LAMA2: variants seen among roughly 807,000 people sequenced by gnomAD.
The protein encoded by LAMA2 is laminin subunit alpha 2.
A neutral mutation model predicts 364.8 loss-of-function variants in LAMA2; 269 were observed. The observed-to-expected ratio is 0.74, with a 90% CI of 0.67 to 0.82. The LOEUF is 0.82. Among genes scored for constraint, LAMA2 ranks in the 40% least tolerant of loss-of-function variants. LAMA2 has a pLI of 0.00. For synonymous variants in LAMA2, 1,379 were observed against 1,370.6 expected, an observed-to-expected ratio of 1.01 and a Z score of -0.14; for missense variants, 3,807 against 3,873.2, an observed-to-expected ratio of 0.98 and a Z score of 0.45.
chr6:129,140,416 C>T (rs1032114254), intron 4 of LAMA2, among the ~76,000 whole-genome samples: 2 of 151,890 alleles, frequency 1.3e-5, no homozygotes, highest in African/African-American at 4.8e-5. Flanking sequence ...TCTAAAAAAC[C>T]AGTTGATAAC....
intron 9 of LAMA2, among the ~76,000 whole-genome samples, chr6:129,168,847 G>A (rs1204182104): frequency 1.8e-4 from 26 of 143,632 alleles, no homozygotes; most frequent in Non-Finnish European, 3.5e-4. Context: ...TCCTTGAGCA[G>A]TGGTTTGTAG....
At chr6:129,383,324 A>G in intron 35 of LAMA2, 91 bp downstream of exon 35, 1 of 994,614 alleles carries the variant, frequency 1.0e-6, no homozygotes, top group Non-Finnish European at 1.6e-6. Flanking sequence ...TCTTGTTATA[A>G]GTGACATCTG....
intron 40 of LAMA2, among the ~76,000 whole-genome samples, chr6:129,418,098 C>T (rs796859129): frequency 2.6e-5 from 4 of 152,270 alleles, no homozygotes; most frequent in African/African-American, 9.6e-5. Flanking sequence ...GCTGACACTG[C>T]CATTACTGAG....
chr6:129,005,200 C>G (rs1243707233), intron 1 of LAMA2, among the ~76,000 whole-genome samples: 1 of 151,880 alleles, frequency 6.6e-6, no homozygotes, highest in Non-Finnish European at 1.5e-5. Flanking sequence ...TTATGTAAGC[C>G]CATGAGGTTA....
At chr6:128,944,346 ATGATAGGCC>A (rs1255351776) in intron 1 of LAMA2, among the ~76,000 whole-genome samples, 1 of 152,232 alleles carries the variant, frequency 6.6e-6, no homozygotes, top group African/African-American at 2.4e-5. Context: ...AATAAGAAAG[ATGATAGGCC>A]TGATCCATCT....
chr6:129,459,811 A>T (rs1165795239), intron 48 of LAMA2, among the ~76,000 whole-genome samples: 2 of 152,062 alleles, frequency 1.3e-5, no homozygotes, highest in Admixed American at 1.3e-4. Flanking sequence ...AGGCACTGAG[A>T]TTGGTGTCAT....
intron 1 of LAMA2, among the ~76,000 whole-genome samples, chr6:129,010,744 C>G (rs1332726543): frequency 6.6e-6 from 1 of 152,194 alleles, no homozygotes; most frequent in Non-Finnish European, 1.5e-5. Flanking sequence ...ATCACTCCTA[C>G]TTGTCCAAAT....
At chr6:129,087,024 C>A (rs1774425502) in intron 3 of LAMA2, among the ~76,000 whole-genome samples, 2 of 152,174 alleles carry the variant, frequency 1.3e-5, no homozygotes, top group Admixed American at 1.3e-4. Context: ...CCCTCTTATA[C>A]TTTTCAGGAC....
At chr6:129,364,397 A>G (rs1245516214) in intron 32 of LAMA2, among the ~76,000 whole-genome samples, 3 of 152,148 alleles carry the variant, frequency 2.0e-5, no homozygotes, top group Non-Finnish European at 4.4e-5. Flanking sequence ...ATTTTCCCCT[A>G]TTCTAACATG....
intron 33 of LAMA2, among the ~76,000 whole-genome samples, chr6:129,368,823 TA>T (rs977457486): frequency 1.6e-4 from 25 of 152,216 alleles, no homozygotes; most frequent in African/African-American, 5.1e-4. Flanking sequence ...TCTGGTATTA[TA>T]AAAACTTAAG....
chr6:129,227,118 C>T (rs150673508), intron 12 of LAMA2, among the ~76,000 whole-genome samples: 9,139 of 152,158 alleles, frequency 0.06, 918 homozygotes, highest in African/African-American at 0.21. Context: ...TCCAGTTGAT[C>T]GAATCAGCTC....
chr6:129,513,647 GT>G (rs1444913397), intron 63 of LAMA2, among the ~76,000 whole-genome samples: 1 of 152,074 alleles, frequency 6.6e-6, no homozygotes, highest in African/African-American at 2.4e-5. Context: ...TGTTTTTAGT[GT>G]TTCAATATGT....
At chr6:129,283,770 A>C (rs1788900694) in intron 18 of LAMA2, among the ~76,000 whole-genome samples, 1 of 151,826 alleles carries the variant, frequency 6.6e-6, no homozygotes, top group Non-Finnish European at 1.5e-5. Flanking sequence ...AATCAAGTCT[A>C]ATCACCCCTC....
At position 129,473,353 on chromosome 6, in the gene LAMA2, G is replaced by A. The variant is rs886043630; in HGVS notation, c.7439+1G>A. On this transcript the variant is annotated splice_donor_variant, in intron 52 of 64. Coordinates refer to ENST00000421865, the MANE Select transcript of LAMA2 (RefSeq NM_000426.4). LOFTEE classifies it high-confidence loss of function. ...GCCTGCCAACGCTGAGAAACTTGAG[G>A]TAATTTAGTTTATATGTAAAGCTAA... is the stretch of plus-strand genomic sequence containing the variant. 6.2e-7 allele frequency: 1 copy of A among 1,611,932 alleles called. No individual in the cohort carries two copies. Among genetic ancestry groups the A allele is most frequent in the South Asian group, 1.1e-5 (1 of 91,034 alleles).
At chr6:129,438,588 G>A (rs1289750142) in intron 41 of LAMA2, 58 bp from the exon 42 acceptor site, 1 of 846,526 alleles carries the variant, frequency 1.2e-6, no homozygotes, top group Non-Finnish European at 2.0e-6. Flanking sequence ...GCACATCCAA[G>A]TATAAGCTCA....
At chr6:128,909,578 G>T (rs1359391423) in intron 1 of LAMA2, among the ~76,000 whole-genome samples, 1 of 148,120 alleles carries the variant, frequency 6.8e-6, no homozygotes, top group Non-Finnish European at 1.5e-5. Context: ...GATGGGTCTT[G>T]ACTCTTTATC....
At chr6:129,023,117 T>C (rs1303739210) in intron 1 of LAMA2, among the ~76,000 whole-genome samples, 3 of 152,192 alleles carry the variant, frequency 2.0e-5, no homozygotes, top group Non-Finnish European at 4.4e-5. Flanking sequence ...TATTCATTCA[T>C]TCTTCAGCTG....
chr6:128,979,529 C>A (rs531001141), intron 1 of LAMA2, among the ~76,000 whole-genome samples: 1 of 152,152 alleles, frequency 6.6e-6, no homozygotes, highest in African/African-American at 2.4e-5. Context: ...TAACTAGGTA[C>A]TAGAGGAAAG....
At chr6:129,179,339 C>A (rs1032989648) in intron 10 of LAMA2, among the ~76,000 whole-genome samples, 1 of 152,026 alleles carries the variant, frequency 6.6e-6, no homozygotes, top group African/African-American at 2.4e-5. Flanking sequence ...TCCTGAGTTT[C>A]TAGAATATAT....
Sources: gnomAD v4.1 joint callset for allele counts (sites outside exome capture counted in the v4.1 genomes callset) on GRCh38, gnomAD v4.1.1 for gene constraint, MANE v1.5 for transcripts, NCBI Gene and HGNC (gene_info 2026-07-23, HGNC 2026-07-21) for gene names.